Variants in IL17RD observed in about 807,000 individuals in gnomAD.
The protein encoded by IL17RD is interleukin-17 receptor D.
Under a neutral mutation model 80.5 loss-of-function variants are expected in IL17RD, and 52 were observed. The ratio of observed to expected loss-of-function variants is 0.65; its 90% CI spans 0.52 to 0.81. IL17RD has a LOEUF of 0.81. IL17RD is among the 40% of genes least tolerant of loss of function. The probability of loss-of-function intolerance (pLI) is 0.00; values close to 1 mark genes in which losing one functional copy is unlikely to be tolerated. For synonymous variants in IL17RD, 416 were observed against 391.8 expected, an observed-to-expected ratio of 1.06 and a Z score of -0.73; for missense variants, 1,024 against 955.1, an observed-to-expected ratio of 1.07 and a Z score of -0.95.
rs1046784181 is a variant in IL17RD at position 57,092,077 on chromosome 3, C to T, written c.*4316G>A. On this transcript the variant is annotated 3_prime_UTR_variant, in exon 13 of 13. Transcript: ENST00000296318. The stretch of plus-strand genomic sequence containing the variant: ...AAAAGCTTTTCTCTGTATACTGTTT[C>T]ACACCTCCAAAACACAGTCAATTCA... 1 of 152,612 alleles carries T rather than the reference C, an allele frequency of 6.6e-6. No homozygotes were observed. The highest frequency in any genetic ancestry group is 2.4e-5 in the African/African-American group (1 of 41,436). The allele number at this position is 152,612 out of a possible 1,614,324, so 9.5% of individuals were successfully genotyped here.
rs1327154860 is a variant in IL17RD, at chr3:57,104,356, C to A, written c.799G>T (p.Asp267Tyr). The A allele has an allele frequency of 1.2e-6, 2 of 1,607,368 alleles. No individual in the cohort carries two copies. Among genetic ancestry groups the A allele is most frequent in the Non-Finnish European group, 1.7e-6 (2 of 1,174,818 alleles). ...SCLLQNVSPG[D>Y]YIIELVDDTN... ...GTTATGCATACCTCAATTATATAATCCCCTGGAGAAACATTTTGAAGGAGG... is the reference window on the plus strand; with the variant it reads ...GTTATGCATACCTCAATTATATAATACCCTGGAGAAACATTTTGAAGGAGG... Residue 267 changes from aspartate to tyrosine, a missense_variant, in exon 8 of 13, where the codon GAT (aspartate) becomes TAT (tyrosine). Asp to Tyr is a radical substitution (Grantham distance 160, BLOSUM62 -3). Coordinates refer to ENST00000296318, the MANE Select transcript of IL17RD (RefSeq NM_017563.5).
chr3:57,137,689 T>TC (rs1268955479), intron 1 of IL17RD, among the ~76,000 whole-genome samples: 6 of 152,072 alleles, frequency 3.9e-5, no homozygotes, highest in African/African-American at 1.4e-4. Context: ...GGAAGGTGAG[T>TC]CCTGGTCACC....
chr3:57,155,596 A>AT (rs879374710), intron 1 of IL17RD, among the ~76,000 whole-genome samples: 175 of 148,924 alleles, frequency 1.2e-3, no homozygotes, highest in African/African-American at 2.7e-3. Flanking sequence ...TTCAGAGGAA[A>AT]TTTTTTTTTT....
At chr3:57,119,158 C>T (rs1707279544) in intron 2 of IL17RD, among the ~76,000 whole-genome samples, 1 of 152,172 alleles carries the variant, frequency 6.6e-6, no homozygotes, top group African/African-American at 2.4e-5. Flanking sequence ...CAAGACCATC[C>T]TGGCTAACAC....
At chr3:57,163,832 G>A (rs1231032261) in intron 1 of IL17RD, among the ~76,000 whole-genome samples, 4 of 149,296 alleles carry the variant, frequency 2.7e-5, no homozygotes, top group Non-Finnish European at 4.5e-5. Flanking sequence ...GGCAGAGCAG[G>A]GGTCATAGCC....
upstream of IL17RD, among the ~76,000 whole-genome samples, chr3:57,167,128 G>A (rs967162064): frequency 1.3e-5 from 2 of 152,210 alleles, no homozygotes; most frequent in African/African-American, 4.8e-5. Flanking sequence ...ATTATTGCCA[G>A]GGAGAGGGAG....
chr3:57,133,675 C>G (rs1392878135), intron 1 of IL17RD, among the ~76,000 whole-genome samples: 1 of 152,204 alleles, frequency 6.6e-6, no homozygotes, highest in East Asian at 1.9e-4. Context: ...CCTGCACTCC[C>G]TCTCCAAGGA....
intron 1 of IL17RD, among the ~76,000 whole-genome samples, chr3:57,121,891 C>T (rs550387075): frequency 6.6e-6 from 1 of 152,306 alleles, no homozygotes; most frequent in South Asian, 2.1e-4. Context: ...AAGACATAAA[C>T]TCACTCCCCA....
At chr3:57,134,377 G>T in intron 1 of IL17RD, 1 of 698,006 alleles carries the variant, frequency 1.4e-6, no homozygotes, top group Non-Finnish European at 2.6e-6. Context: ...ATAAGTAAGC[G>T]AAAGGGTACA....
At chr3:57,155,133 A>G (rs911654108) in intron 1 of IL17RD, among the ~76,000 whole-genome samples, 4 of 152,216 alleles carry the variant, frequency 2.6e-5, no homozygotes, top group Admixed American at 2.0e-4. Flanking sequence ...GCTTCAGAAA[A>G]TGAAATGCAT....
upstream of IL17RD, among the ~76,000 whole-genome samples, chr3:57,166,555 A>AC (rs2060349223): frequency 6.6e-6 from 1 of 151,506 alleles, no homozygotes; most frequent in Admixed American, 6.6e-5. Flanking sequence ...ACCACCACCA[A>AC]CAAAAAAAAA....
In IL17RD at chr3:57,105,552, A is replaced by AAAAAATAT; in HGVS notation, c.747+304_747+305insATATTTTT. On this transcript the variant is annotated intron_variant, in intron 7 of 12. Coordinates refer to ENST00000296318, the MANE Select transcript of IL17RD (RefSeq NM_017563.5). ...ACTCCATCTCAAAAAAAAAAAAAAA[A>AAAAAATAT]ATATATATATATATATATTTGTTCA... 2.7e-4 allele frequency among the ~76,000 whole-genome samples: 17 copies of AAAAAATAT among 63,586 alleles called. 1 individual carries two copies. The highest frequency in any genetic ancestry group is 1.5e-3 in the African/African-American group (16 of 10,734). The allele number at this position is 63,586 out of a possible 152,430, so 41.7% of individuals were successfully genotyped here. A position where few individuals can be genotyped will look rare whatever the true frequency, so the allele number is the denominator to read the frequency against.
At chr3:57,132,125 G>T (rs35663622) in intron 1 of IL17RD, among the ~76,000 whole-genome samples, 1 of 151,742 alleles carries the variant, frequency 6.6e-6, no homozygotes, top group Non-Finnish European at 1.5e-5. Context: ...GGTTGTGACC[G>T]TAGTGAGCCG....
intron 1 of IL17RD, among the ~76,000 whole-genome samples, chr3:57,152,789 C>G (rs915615814): frequency 6.6e-6 from 1 of 152,128 alleles, no homozygotes; most frequent in African/African-American, 2.4e-5. Context: ...AGGTAACATG[C>G]AATCACAGAA....
At chr3:57,164,801 A>C (rs1026871045) in intron 1 of IL17RD, 5 of 762,986 alleles carry the variant, frequency 6.6e-6, no homozygotes, top group Non-Finnish European at 8.3e-6. Context: ...GGGGGATCCC[A>C]GCCCGGGACA....
upstream of IL17RD, among the ~76,000 whole-genome samples, chr3:57,167,985 T>G (rs533186648): frequency 2.0e-3 from 298 of 152,136 alleles, 7 homozygotes; most frequent in Admixed American, 0.017. Context: ...CGCGCAACAC[T>G]GCACCCAGCT....
intron 1 of IL17RD, among the ~76,000 whole-genome samples, chr3:57,147,911 T>G (rs1259945054): frequency 1.3e-5 from 2 of 152,166 alleles, no homozygotes; most frequent in Non-Finnish European, 2.9e-5. Context: ...ATTTTTCTTA[T>G]AAGGTTGAAG....
At chr3:57,117,366 G>A (rs371626798) in intron 2 of IL17RD, among the ~76,000 whole-genome samples, 1 of 152,188 alleles carries the variant, frequency 6.6e-6, no homozygotes, top group East Asian at 1.9e-4. Flanking sequence ...CACCCGCTTT[G>A]GCCTCCCAAA....
intron 2 of IL17RD, among the ~76,000 whole-genome samples, chr3:57,115,896 A>G (rs570571188): frequency 6.6e-6 from 1 of 152,244 alleles, no homozygotes; most frequent in East Asian, 1.9e-4. Context: ...AAGCTCTGTG[A>G]GTCTCCCTTT....
Sources: gnomAD v4.1 joint callset for allele counts (sites outside exome capture counted in the v4.1 genomes callset) on GRCh38, gnomAD v4.1.1 for gene constraint, MANE v1.5 for transcripts, NCBI Gene and HGNC (gene_info 2026-07-23, HGNC 2026-07-21) for gene names.